ACTN2: variants seen among roughly 807,000 people sequenced by gnomAD.
ACTN2 encodes the protein alpha-actinin-2.
In ACTN2, 39 loss-of-function variants were observed where a neutral mutation model predicts 113.8. The ratio of observed to expected loss-of-function variants is 0.34; its 90% confidence interval spans 0.27 to 0.45. The LOEUF (loss-of-function observed/expected upper bound fraction) is 0.45, where lower values mean the gene tolerates loss of function less well. ACTN2 is among the 20% of genes least tolerant of loss of function. The pLI, the probability that ACTN2 is intolerant of heterozygous loss-of-function variation, is 1.00. For missense variants in ACTN2, 992 were observed against 1,177.9 expected, an observed-to-expected ratio of 0.84 and a Z score of 2.31; for synonymous variants, 429 against 444.1, an observed-to-expected ratio of 0.97 and a Z score of 0.43.
rs752614074 is a variant in ACTN2 at position 236,764,053 on chromosome 1, G to A, written c.*1434G>A. 1 of 152,176 alleles carries A rather than the reference G, an allele frequency of 6.6e-6. No individual in the cohort carries two copies. Among genetic ancestry groups the A allele is most frequent in the Non-Finnish European group, 1.5e-5 (1 of 68,046 alleles). 9.4% of individuals were successfully genotyped at this position (152,176 alleles called of 1,614,324 possible). ...AGCAGTAACATGTCTGTTACCTACA[G>A]TCTGTTTGCTCAGATTTTTATAGAT... On this transcript the variant is annotated 3_prime_UTR_variant, in exon 21 of 21. Coordinates refer to ENST00000366578, the MANE Select transcript of ACTN2 (RefSeq NM_001103.4).
intron 18 of ACTN2, among the ~76,000 whole-genome samples, chr1:236,758,217 T>G (rs1372175166): frequency 1.3e-5 from 2 of 152,094 alleles, no homozygotes; most frequent in African/African-American, 4.8e-5. Context: ...AACCAATTCT[T>G]TATGAGAAAA....
At chr1:236,687,171 T>C (rs1665904088) in intron 1 of ACTN2, among the ~76,000 whole-genome samples, 1 of 152,026 alleles carries the variant, frequency 6.6e-6, no homozygotes, top group Admixed American at 6.5e-5. Context: ...TACCCCAGCC[T>C]CTCTCTTCCC....
At chr1:236,739,261 T>C in intron 9 of ACTN2, 41 bp from the exon 10 acceptor site, 1 of 1,601,484 alleles carries the variant, frequency 6.2e-7, no homozygotes, top group African/African-American at 1.3e-5. Context: ...GGGAGGGGGC[T>C]TGCTGGTGTC....
chr1:236,753,867 T>G, intron 15 of ACTN2, 80 bp from the exon 16 acceptor site: 3 of 535,458 alleles, frequency 5.6e-6, no homozygotes, highest in Non-Finnish European at 1.1e-5. Flanking sequence ...CCCCACCCCT[T>G]GGACTATTCC....
chr1:236,692,967 G>A (rs1039686664), intron 1 of ACTN2, among the ~76,000 whole-genome samples: 2 of 152,126 alleles, frequency 1.3e-5, no homozygotes, highest in Admixed American at 6.6e-5. Context: ...GAGTTCACAC[G>A]GAATGCGTTG....
Position 236,755,080 on chromosome 1 carries a change from A to C in ACTN2, c.2036A>C (p.Lys679Thr). ...CTGGAAGACCAGATGAACCAGCTGA[A>C]GCAGTATGAGCACAACATCATCAAC... ...GALEDQMNQL[K>T]QYEHNIINYK... The change falls in exon 17 of 21, where the codon AAG (lysine) becomes ACG (threonine). Residue 679 changes from lysine to threonine, a missense_variant. This residue lies in a region of ACTN2 where 736 missense variants were observed against 815.4 expected (regional missense o/e 0.90). Coordinates refer to ENST00000366578, the MANE Select transcript of ACTN2 (RefSeq NM_001103.4). The C allele has an allele frequency of 6.2e-7, 1 of 1,614,236 alleles. No individual in the cohort carries two copies. Among genetic ancestry groups the C allele is most frequent in the Non-Finnish European group, 8.5e-7 (1 of 1,180,042 alleles).
chr1:236,740,387 G>T (rs12087874), intron 10 of ACTN2, among the ~76,000 whole-genome samples: 23,954 of 150,490 alleles, frequency 0.16, 1,928 homozygotes, highest in South Asian at 0.2. Flanking sequence ...GTGCTGGGAT[G>T]ACAGGCGTGA....
chr1:236,740,041 G>A (rs763913951), intron 10 of ACTN2, among the ~76,000 whole-genome samples: 1 of 152,086 alleles, frequency 6.6e-6, no homozygotes, highest in Non-Finnish European at 1.5e-5. Context: ...GCAACTTCTT[G>A]GCTCCCCTTC....
intron 1 of ACTN2, among the ~76,000 whole-genome samples, chr1:236,691,706 C>A (rs1261609308): frequency 6.6e-6 from 1 of 152,136 alleles, no homozygotes; most frequent in Non-Finnish European, 1.5e-5. Flanking sequence ...TATCAAAGCC[C>A]TTTTACATCC....
chr1:236,721,015 G>GGGTTTTTTTTT, intron 4 of ACTN2, among the ~76,000 whole-genome samples: 6 of 49,176 alleles, frequency 1.2e-4, no homozygotes, highest in Admixed American at 3.4e-4. Flanking sequence ...TCTGGTTTTT[G>GGGTTTTTTTTT]TTTTTTGTTT....
rs569002654 is a variant in ACTN2, at chr1:236,713,559, G to A, written c.127-4299G>A. Among the ~76,000 whole-genome samples, 65 of 147,446 alleles carry A rather than the reference G, an allele frequency of 4.4e-4. 1 individual carries two copies. The highest frequency in any genetic ancestry group is 1.5e-3 in the African/African-American group (59 of 38,362). Reference sequence around the variant, plus strand: ...GAACAATGTATATCCTATGATTTGTGTTAAAGGGACCAAAGGGAAAAAAAA... The same window carrying A: ...GAACAATGTATATCCTATGATTTGTATTAAAGGGACCAAAGGGAAAAAAAA... On this transcript the variant is annotated intron_variant, in intron 1 of 20. Coordinates refer to ENST00000366578, the MANE Select transcript of ACTN2 (RefSeq NM_001103.4).
At chr1:236,705,761 A>G (rs1329132786) in intron 1 of ACTN2, among the ~76,000 whole-genome samples, 3 of 152,334 alleles carry the variant, frequency 2.0e-5, no homozygotes, top group East Asian at 1.9e-4. Context: ...GGGTGATTCC[A>G]TATATCGGAG....
At chr1:236,721,418 T>TA (rs1658392755) in intron 4 of ACTN2, among the ~76,000 whole-genome samples, 3 of 152,236 alleles carry the variant, frequency 2.0e-5, no homozygotes, top group South Asian at 4.2e-4. Flanking sequence ...TACTTGCCCT[T>TA]ATGGACCTTC....
chr1:236,732,438 A>G (rs576304836), intron 7 of ACTN2, among the ~76,000 whole-genome samples: 1 of 150,274 alleles, frequency 6.7e-6, no homozygotes, highest in Non-Finnish European at 1.5e-5. Context: ...TTTATTTTTT[A>G]TTTTTTATTT....
At chr1:236,741,032 A>G (rs1303011201) in intron 10 of ACTN2, among the ~76,000 whole-genome samples, 3 of 151,948 alleles carry the variant, frequency 2.0e-5, no homozygotes, top group African/African-American at 7.3e-5. Flanking sequence ...ATCCAGGCCC[A>G]TGGCTTGTTT....
rs1473763482 is a variant in ACTN2 at position 236,762,954 on chromosome 1, A to G, written c.*335A>G. 5.9e-6 allele frequency: 2 copies of G among 340,018 alleles called. No individual in the cohort carries two copies. Among genetic ancestry groups the G allele is most frequent in the Admixed American group, 8.8e-5 (2 of 22,846 alleles). The allele number at this position is 340,018 out of a possible 1,614,324, so 21.1% of individuals were successfully genotyped here. On this transcript the variant is annotated 3_prime_UTR_variant, in exon 21 of 21. Coordinates refer to ENST00000366578, the MANE Select transcript of ACTN2 (RefSeq NM_001103.4). Reference sequence around the variant, plus strand: ...GGACAGAAGGAAAGTGAAAAATGTGAAAATACAAAATACCCAAGATTTAAG... The same window carrying G: ...GGACAGAAGGAAAGTGAAAAATGTGGAAATACAAAATACCCAAGATTTAAG...
intron 19 of ACTN2, among the ~76,000 whole-genome samples, chr1:236,760,257 AG>A (rs1318977458): frequency 1.3e-5 from 2 of 151,962 alleles, no homozygotes; most frequent in Non-Finnish European, 2.9e-5. Flanking sequence ...AAAAAAAAAA[AG>A]TCACAGAACC....
At chr1:236,751,985 A>G (rs1342630152) in intron 15 of ACTN2, among the ~76,000 whole-genome samples, 4 of 152,234 alleles carry the variant, frequency 2.6e-5, no homozygotes, top group Non-Finnish European at 2.9e-5. Context: ...CTTGGTTACA[A>G]GTACTTACAG....
At chr1:236,709,220 G>GTGTGTGTGTA (rs1275373436) in intron 1 of ACTN2, among the ~76,000 whole-genome samples, 20 of 66,854 alleles carry the variant, frequency 3.0e-4, no homozygotes, top group Admixed American at 1.3e-3. Context: ...ACAAATGACT[G>GTGTGTGTGTA]TATATATATA....
Sources: gnomAD v4.1 joint callset for allele counts (sites outside exome capture counted in the v4.1 genomes callset) on GRCh38, gnomAD v4.1.1 for gene constraint, gnomAD v4.1.1 regional missense constraint, MANE v1.5 for transcripts, NCBI Gene and HGNC (gene_info 2026-07-23, HGNC 2026-07-21) for gene names.